Variants in ARMC9 observed in about 807,000 individuals in gnomAD.
ARMC9 encodes armadillo repeat containing 9, also known as lisH domain-containing protein ARMC9.
ARMC9 carries 94 observed loss-of-function variants against 107.0 expected under a neutral mutation model. The ratio of observed to expected loss-of-function variants is 0.88; its 90% CI spans 0.74 to 1.04. ARMC9 has a LOEUF of 1.04. ARMC9 is among the 50% of genes least tolerant of loss of function. The pLI is 0.00. For synonymous variants in ARMC9, 380 were observed against 396.9 expected (o/e 0.96, Z 0.51); for missense variants, 942 against 1,030.1 (o/e 0.91, Z 1.17).
intron 19 of ARMC9, among the ~76,000 whole-genome samples, chr2:231,325,247 T>C (rs1466391364): frequency 6.6e-6 from 1 of 152,098 alleles, no homozygotes; most frequent in African/African-American, 2.4e-5. Flanking sequence ...TAACAATAAA[T>C]AAAATAAAAT....
At chr2:231,233,230 A>G (rs2035405105) in intron 7 of ARMC9, among the ~76,000 whole-genome samples, 1 of 152,242 alleles carries the variant, frequency 6.6e-6, no homozygotes, top group Admixed American at 6.5e-5. Flanking sequence ...TTTTTGAAAT[A>G]CAATTTGAAT....
intron 21 of ARMC9, among the ~76,000 whole-genome samples, chr2:231,353,885 T>A (rs1289610491): frequency 6.6e-6 from 1 of 151,936 alleles, no homozygotes; most frequent in African/African-American, 2.4e-5. Context: ...TCCACACTAC[T>A]GTCGCACAGG....
chr2:231,359,448 G>C (rs1232919232), intron 22 of ARMC9, among the ~76,000 whole-genome samples: 1 of 152,034 alleles, frequency 6.6e-6, no homozygotes, highest in African/African-American at 2.4e-5. Context: ...GGAGGAAGTA[G>C]GAGAGGAGAA....
Position 231,226,225 on chromosome 2 carries a change from A to G in ARMC9, c.598-549A>G, listed in dbSNP as rs141904554. 5.3e-3 allele frequency among the ~76,000 whole-genome samples: 815 copies of G among 152,356 alleles called. 2 individuals carry two copies. Among genetic ancestry groups the G allele is most frequent in the Middle Eastern group, 0.01 (3 of 294 alleles). On this transcript the variant is annotated intron_variant, in intron 6 of 24. Coordinates refer to ENST00000611582, the MANE Select transcript of ARMC9 (RefSeq NM_001352754.2). ...AAGCTATTACCAAAATACTAAGGAA[A>G]AGTTTAAGACAAATTAAGGGAAAAG...
At chr2:231,202,604 G>A (rs2031241750) in intron 1 of ARMC9, among the ~76,000 whole-genome samples, 1 of 152,174 alleles carries the variant, frequency 6.6e-6, no homozygotes, top group South Asian at 2.1e-4. Flanking sequence ...TTACAGGTGT[G>A]AGCCACTGCA....
At chr2:231,215,082 G>A in intron 4 of ARMC9, 81 bp downstream of exon 4, 2 of 1,483,280 alleles carry the variant, frequency 1.3e-6, no homozygotes, top group Non-Finnish European at 1.9e-6. Flanking sequence ...CATGGGCATG[G>A]ATTTCATATG....
intron 9 of ARMC9, among the ~76,000 whole-genome samples, chr2:231,246,396 A>T (rs1199158455): frequency 2.0e-5 from 3 of 151,878 alleles, no homozygotes; most frequent in African/African-American, 4.8e-5. Context: ...TGTTATTCTG[A>T]TCTTTGTGTC....
intron 5 of ARMC9, among the ~76,000 whole-genome samples, chr2:231,221,830 CAAAAAAAA>C (rs61031104): frequency 1.3e-5 from 1 of 74,090 alleles, no homozygotes; most frequent in African/African-American, 5.3e-5. Context: ...GACTCTGTCT[CAAAAAAAA>C]AAAAAAAAAA....
chr2:231,367,371 G>A (rs540609599), intron 23 of ARMC9, among the ~76,000 whole-genome samples: 2 of 152,158 alleles, frequency 1.3e-5, no homozygotes, highest in East Asian at 2.0e-4. Flanking sequence ...GCTGCCTGCC[G>A]GCTTTAAGGC....
At chr2:231,235,121 G>T in intron 7 of ARMC9, 103 bp from the exon 8 acceptor site, 1 of 1,286,766 alleles carries the variant, frequency 7.8e-7, no homozygotes, top group Non-Finnish European at 1.0e-6. Context: ...ATTGTTACAA[G>T]AAAACATTCT....
chr2:231,367,324 C>T (rs921393436), intron 23 of ARMC9, among the ~76,000 whole-genome samples: 1 of 152,176 alleles, frequency 6.6e-6, no homozygotes, highest in African/African-American at 2.4e-5. Flanking sequence ...TTCTTGTTGA[C>T]TCACCTCAGC....
intron 14 of ARMC9, among the ~76,000 whole-genome samples, chr2:231,276,328 T>C (rs531904004): frequency 2.6e-5 from 4 of 151,752 alleles, no homozygotes; most frequent in African/African-American, 9.7e-5. Flanking sequence ...TGGAGTGCAG[T>C]GGTACGATCT....
At position 231,366,244 on chromosome 2, in the gene ARMC9, A is replaced by T. The variant is rs564375595; in HGVS notation, c.2262-3709A>T. Among the ~76,000 whole-genome samples the T allele has an allele frequency of 6.6e-5, 10 of 152,296 alleles. No homozygotes were observed. The South Asian group carries it at 2.1e-3, about 32-fold the overall frequency. ...CTTTTTCTATTATGGCCTTCAGCTG[A>T]CTGGATGGGGGCACTCATGTTACGG... On this transcript the variant is annotated intron_variant, in intron 23 of 24. Coordinates refer to ENST00000611582, the MANE Select transcript of ARMC9 (RefSeq NM_001352754.2).
intron 18 of ARMC9, among the ~76,000 whole-genome samples, chr2:231,293,274 C>T (rs1490483834): frequency 1.3e-5 from 2 of 152,196 alleles, no homozygotes; most frequent in African/African-American, 2.4e-5. Flanking sequence ...AAGACCTGAA[C>T]CTCAGTGCTG....
At chr2:231,344,170 C>T (rs1264544504) in intron 20 of ARMC9, among the ~76,000 whole-genome samples, 2 of 152,222 alleles carry the variant, frequency 1.3e-5, no homozygotes, top group Non-Finnish European at 2.9e-5. Context: ...AGTATTTACA[C>T]TCAAGGATGT....
In ARMC9 at chr2:231,291,383, A is replaced by G; in HGVS notation, c.1657A>G (p.Lys553Glu). The G allele has an allele frequency of 6.2e-7, 1 of 1,613,784 alleles. No homozygotes were observed. Among genetic ancestry groups the G allele is most frequent in the Non-Finnish European group, 8.5e-7 (1 of 1,179,798 alleles). ...GGAAGACATCCTACGCTGCTTCATC[A>G]AAGAAGGCAATGCTGAAATGATCCG... ...GMEDILRCFI[K>E]EGNAEMIRQI... is the part of the protein sequence containing the mutation. The change falls in exon 18 of 25, where the codon AAA becomes GAA. Residue 553 changes from lysine to glutamate, a missense_variant. Coordinates refer to ENST00000611582, the MANE Select transcript of ARMC9 (RefSeq NM_001352754.2).
At chr2:231,253,924 G>C (rs1375576853) in intron 9 of ARMC9, among the ~76,000 whole-genome samples, 1 of 152,194 alleles carries the variant, frequency 6.6e-6, no homozygotes, top group Admixed American at 6.5e-5. Flanking sequence ...TTCCACCTTA[G>C]TGTTCACATT....
chr2:231,243,256 A>AAG (rs1553603137), intron 9 of ARMC9, among the ~76,000 whole-genome samples: 1 of 151,728 alleles, frequency 6.6e-6, no homozygotes, highest in East Asian at 1.9e-4. Context: ...CAAAAAAAAA[A>AAG]AAAAAAATTA....
intron 5 of ARMC9, 59 bp downstream of exon 5, chr2:231,216,852 C>T (rs2033565802): frequency 6.5e-7 from 1 of 1,540,538 alleles, no homozygotes; most frequent in Non-Finnish European, 8.8e-7. Flanking sequence ...GTTTTACCTT[C>T]TGTATGCTGG....
Sources: gnomAD v4.1 joint callset for allele counts (sites outside exome capture counted in the v4.1 genomes callset) on GRCh38, gnomAD v4.1.1 for gene constraint, MANE v1.5 for transcripts, NCBI Gene and HGNC (gene_info 2026-07-23, HGNC 2026-07-21) for gene names.